Variants in UBAC2 observed in about 807,000 individuals in gnomAD.
The protein encoded by UBAC2 is ubiquitin-associated domain-containing protein 2.
A neutral mutation model predicts 44.0 loss-of-function variants in UBAC2; 26 were observed. The ratio of observed to expected loss-of-function variants is 0.59; its 90% CI spans 0.43 to 0.82. The LOEUF (loss-of-function observed/expected upper bound fraction) is 0.82, where lower values mean the gene tolerates loss of function less well. Ranked by LOEUF, UBAC2 falls within the 40% of genes least tolerant of loss-of-function variation. The pLI is 0.00. For synonymous variants in UBAC2, 155 were observed against 154.3 expected (o/e 1.00, Z -0.04); for missense variants, 329 against 419.4 (o/e 0.78, Z 1.88).
intron 1 of UBAC2, chr13:99,215,593 C>CG: frequency 7.5e-7 from 1 of 1,341,164 alleles, no homozygotes; most frequent in Non-Finnish European, 1.1e-6. Context: ...AGGATGGCTG[C>CG]GCTGTACACA....
intron 6 of UBAC2, among the ~76,000 whole-genome samples, chr13:99,322,502 A>G (rs773143488): frequency 6.6e-6 from 1 of 152,304 alleles, no homozygotes; most frequent in Admixed American, 6.5e-5. Flanking sequence ...CAGTTCACAC[A>G]TTTATCTTTA....
chr13:99,216,774 T>C (rs2043000144), intron 1 of UBAC2, among the ~76,000 whole-genome samples: 1 of 152,112 alleles, frequency 6.6e-6, no homozygotes, highest in African/African-American at 2.4e-5. Flanking sequence ...TGTCTTAGAC[T>C]GGAATTTTAC....
chr13:99,234,341 C>A (rs1374122964), intron 1 of UBAC2: 2 of 336,084 alleles, frequency 6.0e-6, no homozygotes, highest in South Asian at 3.9e-5. Flanking sequence ...GCGCTTGCCA[C>A]CACGCCCGGG....
At chr13:99,218,598 C>T (rs1353575526) in intron 1 of UBAC2, among the ~76,000 whole-genome samples, 2 of 151,736 alleles carry the variant, frequency 1.3e-5, no homozygotes, top group Non-Finnish European at 2.9e-5. Context: ...TGGCTGCTGT[C>T]CTGAGCCAGG....
At chr13:99,332,132 T>C (rs555570328) in intron 6 of UBAC2, among the ~76,000 whole-genome samples, 13 of 152,222 alleles carry the variant, frequency 8.5e-5, no homozygotes, top group Non-Finnish European at 1.8e-4. Flanking sequence ...GTGGGACCGG[T>C]GGTTGGCACA....
chr13:99,306,985 T>C (rs2044346213), intron 4 of UBAC2, among the ~76,000 whole-genome samples: 1 of 152,214 alleles, frequency 6.6e-6, no homozygotes, highest in South Asian at 2.1e-4. Flanking sequence ...TAAAATAACT[T>C]TGTTCCTTTT....
chr13:99,327,663 A>AT (rs1193975031), intron 6 of UBAC2, among the ~76,000 whole-genome samples: 43 of 152,212 alleles, frequency 2.8e-4, no homozygotes, highest in Non-Finnish European at 2.9e-5. Context: ...AAGGTCTTCC[A>AT]TGTTAGCTTA....
intron 1 of UBAC2, among the ~76,000 whole-genome samples, chr13:99,212,970 G>A (rs2142659679): frequency 6.6e-6 from 1 of 152,308 alleles, no homozygotes; most frequent in African/African-American, 2.4e-5. Flanking sequence ...TAGTGTAGAA[G>A]GGATTAGTCC....
intron 6 of UBAC2, among the ~76,000 whole-genome samples, chr13:99,321,627 G>A (rs978164465): frequency 2.6e-5 from 4 of 151,930 alleles, no homozygotes; most frequent in Admixed American, 1.3e-4. Flanking sequence ...ATCTCTCCTC[G>A]GTGTCCCTTA....
At chr13:99,229,735 C>G (rs1297627219) in intron 1 of UBAC2, among the ~76,000 whole-genome samples, 14 of 152,298 alleles carry the variant, frequency 9.2e-5, no homozygotes, top group Non-Finnish European at 7.4e-5. Context: ...TTTTAAAAAT[C>G]TTCGTTGAAA....
chr13:99,282,935 C>T (rs907641821), intron 4 of UBAC2, among the ~76,000 whole-genome samples: 3 of 152,088 alleles, frequency 2.0e-5, no homozygotes, highest in African/African-American at 7.2e-5. Context: ...ATCTAATGTG[C>T]TTTTGTTATC....
At chr13:99,322,864 A>G (rs2044587669) in intron 6 of UBAC2, among the ~76,000 whole-genome samples, 1 of 152,178 alleles carries the variant, frequency 6.6e-6, no homozygotes, top group East Asian at 1.9e-4. Flanking sequence ...AAAATGAGCC[A>G]TCTGGAGGGA....
At chr13:99,213,951 T>G (rs567197396) in intron 1 of UBAC2, among the ~76,000 whole-genome samples, 2 of 152,196 alleles carry the variant, frequency 1.3e-5, no homozygotes, top group East Asian at 3.9e-4. Flanking sequence ...TTCTAGTAGC[T>G]GGGATTACAG....
chr13:99,302,623 G>A (rs1407238990), intron 4 of UBAC2, among the ~76,000 whole-genome samples: 5 of 152,110 alleles, frequency 3.3e-5, no homozygotes, highest in African/African-American at 7.2e-5. Flanking sequence ...CTTTTTCATT[G>A]ACTAAACAGC....
chr13:99,349,892 A>G (rs1566516010), intron 7 of UBAC2, among the ~76,000 whole-genome samples: 4 of 152,092 alleles, frequency 2.6e-5, no homozygotes, highest in Non-Finnish European at 5.9e-5. Context: ...GTGGTGGAGC[A>G]GAGTGTTCCC....
At chr13:99,272,844 C>G (rs73566000) in intron 4 of UBAC2, among the ~76,000 whole-genome samples, 1,626 of 152,196 alleles carry the variant, frequency 0.011, 31 homozygotes, top group African/African-American at 0.038. Flanking sequence ...GTTCAGTGCA[C>G]AGCAGCATGT....
chr13:99,213,918 C>G (rs2042962399), intron 1 of UBAC2, among the ~76,000 whole-genome samples: 1 of 152,174 alleles, frequency 6.6e-6, no homozygotes. Context: ...CTCCCAGGTT[C>G]AAGCGATTCT....
chr13:99,234,285 C>T (rs550325862), intron 1 of UBAC2: 31 of 252,066 alleles, frequency 1.2e-4, no homozygotes, highest in African/African-American at 4.9e-4. Flanking sequence ...CAGGTTCAAG[C>T]GATTCAAGTG....
chr13:99,366,077 A>G (rs972766889), intron 7 of UBAC2, among the ~76,000 whole-genome samples: 3 of 152,150 alleles, frequency 2.0e-5, no homozygotes, highest in African/African-American at 7.2e-5. Context: ...CAACTTGTGT[A>G]CGTCTTTATA....
Sources: gnomAD v4.1 joint callset for allele counts (sites outside exome capture counted in the v4.1 genomes callset) on GRCh38, gnomAD v4.1.1 for gene constraint, MANE v1.5 for transcripts, NCBI Gene and HGNC (gene_info 2026-07-23, HGNC 2026-07-21) for gene names.